NUFIP2: variants seen among roughly 807,000 people sequenced by gnomAD.
The protein encoded by NUFIP2 is FMR1-interacting protein NUFIP2.
Under a neutral mutation model 56.9 loss-of-function variants are expected in NUFIP2, and 6 were observed. That is an observed-to-expected ratio of 0.11 (90% CI 0.06 to 0.21). The LOEUF (loss-of-function observed/expected upper bound fraction) is 0.21. Among genes scored for constraint, NUFIP2 ranks in the 10% least tolerant of loss-of-function variants. The pLI is 1.00. For missense variants in NUFIP2, 828 were observed against 826.8 expected, an observed-to-expected ratio of 1.00 and a Z score of -0.02; for synonymous variants, 321 against 298.2, an observed-to-expected ratio of 1.08 and a Z score of -0.79.
At position 29,293,973 on chromosome 17, in the gene NUFIP2, C is replaced by T; in HGVS notation, c.87G>A (p.Gln29=). ...AATAATAATGGTGGTGGTGGTGCGG[C>T]TGCTGCTGCTGCTGCTGAGGGTGAT... ...PHHHPQQQQQ[Q]PHHHHHYYFY... is the part of the protein sequence containing the mutation. The change falls in exon 1 of 4, where the codon CAG becomes CAA. Residue 29 remains glutamine, a synonymous_variant. Transcript: ENST00000225388. 1.9e-6 allele frequency: 3 copies of T among 1,569,340 alleles called. No homozygotes were observed. Among genetic ancestry groups the T allele is most frequent in the Non-Finnish European group, 1.7e-6 (2 of 1,143,624 alleles).
chr17:29,292,926 A>G (rs567818794), intron 1 of NUFIP2, among the ~76,000 whole-genome samples: 16 of 133,578 alleles, frequency 1.2e-4, no homozygotes, highest in African/African-American at 3.6e-4. Flanking sequence ...GCGCCCCCGC[A>G]GTGCAGGGGG....
chr17:29,266,112 C>T (rs2069034674), intron 3 of NUFIP2, among the ~76,000 whole-genome samples: 1 of 152,168 alleles, frequency 6.6e-6, no homozygotes, highest in Non-Finnish European at 1.5e-5. Context: ...CTGGGATTTA[C>T]AGGCATGTGC....
chr17:29,288,325 G>A (rs1297177197), intron 1 of NUFIP2, among the ~76,000 whole-genome samples: 2 of 152,254 alleles, frequency 1.3e-5, no homozygotes, highest in Admixed American at 1.3e-4. Context: ...GATTACAGGC[G>A]TGAGCCACAC....
At chr17:29,271,670 T>C (rs2069073504) in intron 2 of NUFIP2, among the ~76,000 whole-genome samples, 1 of 152,268 alleles carries the variant, frequency 6.6e-6, no homozygotes, top group African/African-American at 2.4e-5. Flanking sequence ...ATTTACTTGA[T>C]CAAAATTTAA....
In NUFIP2 at chr17:29,287,338, G is replaced by A; in HGVS notation, c.656C>T (p.Thr219Ile). The A allele has an allele frequency of 1.2e-6, 2 of 1,614,020 alleles. No individual in the cohort carries two copies. The highest frequency in any genetic ancestry group is 1.7e-6 in the Non-Finnish European group (2 of 1,180,006). Residue 219 changes from threonine (T) to isoleucine (I), a missense_variant, in exon 2 of 4, where the codon ACA (threonine) becomes ATA (isoleucine). Thr to Ile is a moderately conservative substitution (Grantham distance 89). Coordinates refer to ENST00000225388, the MANE Select transcript of NUFIP2 (RefSeq NM_020772.3). ...CCTAGCTTTCCTTTTTTTAGGAGTT[G>A]TATATCCGCTCTCAGATCCACTACC... ...NDGSGSESGY[T>I]TPKKRKARRN...
intron 2 of NUFIP2, among the ~76,000 whole-genome samples, chr17:29,269,648 GAC>G (rs1305552500): frequency 6.6e-6 from 1 of 151,942 alleles, no homozygotes; most frequent in Non-Finnish European, 1.5e-5. Flanking sequence ...TGGGACCACA[GAC>G]ACATGCCATT....
chr17:29,286,647 C>A lies in NUFIP2; in HGVS notation c.1347G>T (p.Gly449=), dbSNP rs1471179399. Residue 449 remains glycine (G), a synonymous_variant, in exon 2 of 4, where the codon GGG becomes GGT. Coordinates refer to ENST00000225388, the MANE Select transcript of NUFIP2 (RefSeq NM_020772.3). ...TCATGTCCTGGAGAACTGAATCTGTCCCAGAAGAGATGGGTGTTAGAGTAT... is the reference window on the plus strand; with the variant it reads ...TCATGTCCTGGAGAACTGAATCTGTACCAGAAGAGATGGGTGTTAGAGTAT... ...AANTLTPISS[G]TDSVLQDMSL... is the part of the protein sequence containing the mutation. 1.9e-6 allele frequency: 3 copies of A among 1,614,092 alleles called. No individual in the cohort carries two copies. In the Admixed American group the frequency reaches 5.0e-5, roughly 27 times the overall value.
chr17:29,287,613 G>T lies in NUFIP2; in HGVS notation c.381C>A (p.Asn127Lys). 6.2e-7 allele frequency: 1 copy of T among 1,613,998 alleles called. No homozygotes were observed. Among genetic ancestry groups the T allele is most frequent in the Non-Finnish European group, 8.5e-7 (1 of 1,180,012 alleles). Residue 127 changes from asparagine (N) to lysine (K), a missense_variant, in exon 2 of 4, where the codon AAC (asparagine) becomes AAA (lysine). This residue lies in a region of NUFIP2 where 415 missense variants were observed against 408.7 expected (regional missense o/e 1.02). Transcript: ENST00000225388. ...TNPISRVLNG[N>K]QQVVDTSLKQ... ...TCAGGCTAGTGTCTACAACTTGCTG[G>T]TTGCCATTGAGGACCCTGGAAATAG...
intron 2 of NUFIP2, among the ~76,000 whole-genome samples, chr17:29,280,794 T>C (rs1253963186): frequency 6.6e-6 from 1 of 152,012 alleles, no homozygotes; most frequent in African/African-American, 2.4e-5. Flanking sequence ...AAGACCAGTC[T>C]GGCCAACATG....
intron 3 of NUFIP2, among the ~76,000 whole-genome samples, chr17:29,266,731 T>C (rs2069039354): frequency 1.3e-5 from 2 of 151,830 alleles, no homozygotes; most frequent in Non-Finnish European, 2.9e-5. Flanking sequence ...ATAACATTTA[T>C]GGCTTGTCTT....
At chr17:29,292,892 GCGGCCGCGGTGCGGGGGGCGC>G (rs1429415960) in intron 1 of NUFIP2, among the ~76,000 whole-genome samples, 2 of 144,980 alleles carry the variant, frequency 1.4e-5, no homozygotes, top group African/African-American at 5.0e-5. Context: ...GGGGGGGGGG[GCGGCCGCGGTGCGGGGGGCGC>G]CGGCGCCCCC....
rs183807581 is a variant in NUFIP2 at position 29,264,059 on chromosome 17, G to A, written c.*480C>T. The A allele has an allele frequency of 4.6e-5, 7 of 152,664 alleles. No homozygotes were observed. The highest frequency in any genetic ancestry group is 1.4e-4 in the African/African-American group (6 of 41,544). 9.5% of individuals were successfully genotyped at this position (152,664 alleles called of 1,614,324 possible). On this transcript the variant is annotated 3_prime_UTR_variant, in exon 4 of 4. Transcript: ENST00000225388. ...CCAAAAAGATCAAGGGAGGAGTGGG[G>A]GGAAAATGTTGAATCATTCTGGGTT...
At chr17:29,290,653 CAAAA>C (rs749932039) in intron 1 of NUFIP2, among the ~76,000 whole-genome samples, 4 of 99,430 alleles carry the variant, frequency 4.0e-5, no homozygotes, top group Non-Finnish European at 8.4e-5. Context: ...GGCTGTGTCT[CAAAA>C]AAAAAAAAAA....
In NUFIP2 at chr17:29,288,914, G is replaced by A. The variant is rs567168616; in HGVS notation, c.278-1198C>T. 2.7e-4 allele frequency among the ~76,000 whole-genome samples: 41 copies of A among 152,182 alleles called. 1 individual carries two copies. The highest frequency in any genetic ancestry group is 5.0e-4 in the Non-Finnish European group (34 of 68,032). ...GTCTGTAAACATAGCACTTTGGGAGGGCCAAGGCAGGCAGACTGCTGGAGT... is the reference window on the plus strand; with the variant it reads ...GTCTGTAAACATAGCACTTTGGGAGAGCCAAGGCAGGCAGACTGCTGGAGT... On this transcript the variant is annotated intron_variant, in intron 1 of 3. Coordinates refer to ENST00000225388, the MANE Select transcript of NUFIP2 (RefSeq NM_020772.3).
chr17:29,267,831 T>G (rs1180560882), intron 2 of NUFIP2, among the ~76,000 whole-genome samples: 1 of 152,120 alleles, frequency 6.6e-6, no homozygotes, highest in Admixed American at 6.5e-5. Flanking sequence ...TTTTCTTTTT[T>G]TCTTTGGTAG....
At chr17:29,278,530 A>G (rs1487413960) in intron 2 of NUFIP2, among the ~76,000 whole-genome samples, 1 of 151,992 alleles carries the variant, frequency 6.6e-6, no homozygotes, top group African/African-American at 2.4e-5. Context: ...ACAGGAATTG[A>G]GCCACCACGC....
intron 2 of NUFIP2, among the ~76,000 whole-genome samples, chr17:29,280,205 A>T (rs985068205): frequency 6.6e-5 from 10 of 152,332 alleles, no homozygotes; most frequent in African/African-American, 2.4e-4. Context: ...AGACAGATCA[A>T]CCCAGTTTAA....
At chr17:29,290,956 C>T (rs2069208338) in intron 1 of NUFIP2, among the ~76,000 whole-genome samples, 1 of 149,794 alleles carries the variant, frequency 6.7e-6, no homozygotes, top group Non-Finnish European at 1.5e-5. Context: ...TAGTATGTAG[C>T]GACTCAGATA....
Position 29,272,441 on chromosome 17 carries a change from CGT to C in NUFIP2, c.2003-4913_2003-4912del, listed in dbSNP as rs537469725. 1.1e-4 allele frequency among the ~76,000 whole-genome samples: 17 copies of C among 152,094 alleles called. No individual in the cohort carries two copies. In the South Asian group the frequency reaches 3.5e-3, roughly 32 times the overall value. On this transcript the variant is annotated intron_variant, in intron 2 of 3. Transcript: ENST00000225388. ...ATTTTTAGTAGAGACGGGGTTTCAC[CGT>C]GTTAGCCAGGATGGTCTCGATCTCC... is the stretch of plus-strand genomic sequence containing the variant.
Sources: gnomAD v4.1 joint callset for allele counts (sites outside exome capture counted in the v4.1 genomes callset) on GRCh38, gnomAD v4.1.1 for gene constraint, gnomAD v4.1.1 regional missense constraint, MANE v1.5 for transcripts, NCBI Gene and HGNC (gene_info 2026-07-23, HGNC 2026-07-21) for gene names.